Variants in THSD7B observed in about 807,000 individuals in gnomAD.
THSD7B encodes the protein thrombospondin type-1 domain-containing protein 7B.
Under a neutral mutation model 213.6 loss-of-function variants are expected in THSD7B, and 138 were observed. That is an observed-to-expected ratio of 0.65 (90% CI 0.56 to 0.74). THSD7B has a LOEUF of 0.74. Ranked by LOEUF, THSD7B falls within the 30% of genes least tolerant of loss-of-function variation. The probability of loss-of-function intolerance (pLI) is 0.00; values close to 1 mark genes in which losing one functional copy is unlikely to be tolerated. For synonymous variants in THSD7B, 742 were observed against 687.0 expected (o/e 1.08, Z -1.25); for missense variants, 1,931 against 1,991.5 (o/e 0.97, Z 0.58).
chr2:137,544,081 A>G (rs1415223599), intron 15 of THSD7B, among the ~76,000 whole-genome samples: 1 of 151,728 alleles, frequency 6.6e-6, no homozygotes, highest in Non-Finnish European at 1.5e-5. Flanking sequence ...TAAACATAGC[A>G]TTTCCACATG....
chr2:137,336,367 T>C lies in THSD7B; in HGVS notation c.2500+60341T>C, dbSNP rs547077277. On this transcript the variant is annotated intron_variant, in intron 12 of 27. Coordinates refer to ENST00000409968, the MANE Select transcript of THSD7B (RefSeq NM_001316349.2). ...TTTACTCCACCTGAGCTCACGTAAG[T>C]TGAGTTTTTATCCCTTCAACTCCTC... Among the ~76,000 whole-genome samples, 6 of 152,322 alleles carry C rather than the reference T, an allele frequency of 3.9e-5. No individual in the cohort carries two copies. The South Asian group carries it at 1.2e-3, about 32-fold the overall frequency.
At chr2:137,163,923 C>T (rs1680067586) in intron 6 of THSD7B, among the ~76,000 whole-genome samples, 1 of 152,130 alleles carries the variant, frequency 6.6e-6, no homozygotes, top group Non-Finnish European at 1.5e-5. Context: ...AGTGTCCCTC[C>T]AAACCCTAAG....
At chr2:137,154,257 T>C (rs1679868799) in intron 5 of THSD7B, among the ~76,000 whole-genome samples, 1 of 152,126 alleles carries the variant, frequency 6.6e-6, no homozygotes, top group African/African-American at 2.4e-5. Context: ...TAGTATCTTG[T>C]GACGAATTCC....
At chr2:137,006,730 T>A (rs1686121715) in intron 2 of THSD7B, among the ~76,000 whole-genome samples, 1 of 152,224 alleles carries the variant, frequency 6.6e-6, no homozygotes, top group African/African-American at 2.4e-5. Flanking sequence ...TATATCTCAT[T>A]TCCTATTTGT....
intron 14 of THSD7B, among the ~76,000 whole-genome samples, chr2:137,420,703 C>T (rs1380955583): frequency 6.6e-6 from 1 of 152,180 alleles, no homozygotes; most frequent in Non-Finnish European, 1.5e-5. Flanking sequence ...GTAAATTATG[C>T]TTATGAATAA....
intron 12 of THSD7B, among the ~76,000 whole-genome samples, chr2:137,363,486 G>T (rs985479494): frequency 6.6e-5 from 10 of 152,016 alleles, no homozygotes; most frequent in Non-Finnish European, 1.2e-4. Flanking sequence ...TTGATAGACT[G>T]CTAGCAAGAC....
intron 4 of THSD7B, among the ~76,000 whole-genome samples, chr2:137,106,255 A>T (rs2104930035): frequency 6.6e-6 from 1 of 152,204 alleles, no homozygotes; most frequent in East Asian, 1.9e-4. Context: ...ATCTACAATC[A>T]TCTGATCTTT....
intron 10 of THSD7B, among the ~76,000 whole-genome samples, chr2:137,250,214 G>A (rs1682141967): frequency 1.3e-5 from 2 of 151,972 alleles, no homozygotes; most frequent in South Asian, 2.1e-4. Context: ...TAATTTATAT[G>A]CATTACTCTA....
At chr2:136,845,261 G>A (rs1682988718) in intron 1 of THSD7B, among the ~76,000 whole-genome samples, 1 of 152,198 alleles carries the variant, frequency 6.6e-6, no homozygotes, top group South Asian at 2.1e-4. Context: ...GGTAAAGGGA[G>A]GCTTCTGGAA....
chr2:137,286,043 G>A lies in THSD7B; in HGVS notation c.2500+10017G>A, dbSNP rs138218648. Among the ~76,000 whole-genome samples the A allele has an allele frequency of 7.9e-3, 1,195 of 151,190 alleles. 18 individuals are homozygous for A. Among genetic ancestry groups the A allele is most frequent in the African/African-American group, 0.028 (1,144 of 41,124 alleles). On this transcript the variant is annotated intron_variant, in intron 12 of 27. Coordinates refer to ENST00000409968, the MANE Select transcript of THSD7B (RefSeq NM_001316349.2). ...CACTTGAACCCGGGAGGTGGAAGTT[G>A]CAGTGAGCCGAGATCTCGCCATTTC...
intron 15 of THSD7B, among the ~76,000 whole-genome samples, chr2:137,491,732 T>TA (rs1407095621): frequency 4.9e-4 from 75 of 152,294 alleles, no homozygotes; most frequent in Non-Finnish European, 7.5e-4. Context: ...CCAGTTCCTT[T>TA]TAAAAAGATT....
At chr2:137,149,081 C>G (rs1462550141) in intron 5 of THSD7B, among the ~76,000 whole-genome samples, 1 of 152,154 alleles carries the variant, frequency 6.6e-6, no homozygotes, top group African/African-American at 2.4e-5. Context: ...ACATGGTACC[C>G]TGCATCCCAG....
chr2:137,560,940 G>A (rs975687552), intron 15 of THSD7B, among the ~76,000 whole-genome samples: 1 of 152,074 alleles, frequency 6.6e-6, no homozygotes, highest in African/African-American at 2.4e-5. Context: ...TGTTGTGATG[G>A]GGTTAACTTG....
chr2:136,848,091 A>G (rs1401645681), intron 1 of THSD7B, among the ~76,000 whole-genome samples: 1 of 152,168 alleles, frequency 6.6e-6, no homozygotes, highest in Non-Finnish European at 1.5e-5. Context: ...TGTAGCATCA[A>G]AGATGTAAGA....
chr2:137,063,652 A>AG (rs1687321702), intron 3 of THSD7B, among the ~76,000 whole-genome samples: 1 of 148,400 alleles, frequency 6.7e-6, no homozygotes, highest in Non-Finnish European at 1.5e-5. Context: ...TGTGCCCATT[A>AG]ATCTCCATTT....
At chr2:137,504,424 T>A (rs1679787085) in intron 15 of THSD7B, among the ~76,000 whole-genome samples, 1 of 152,184 alleles carries the variant, frequency 6.6e-6, no homozygotes, top group South Asian at 2.1e-4. Flanking sequence ...CTGCTGAAAA[T>A]GTTGGTGTTG....
Position 137,365,645 on chromosome 2 carries a change from C to T in THSD7B, c.2501-39968C>T, listed in dbSNP as rs370691010. On this transcript the variant is annotated intron_variant, in intron 12 of 27. Transcript: ENST00000409968. ...GCCAACAGACACATGGAAAAATGCT[C>T]ATCATCACTGGTCATCAGAGAAATG... 1.3e-4 allele frequency among the ~76,000 whole-genome samples: 20 copies of T among 152,308 alleles called. No individual in the cohort carries two copies. The East Asian group carries it at 1.7e-3, about 13-fold the overall frequency.
At chr2:137,406,834 G>T (rs150189844) in intron 13 of THSD7B, among the ~76,000 whole-genome samples, 89 of 152,254 alleles carry the variant, frequency 5.8e-4, no homozygotes, top group African/African-American at 2.0e-3. Flanking sequence ...ACAAAAATTT[G>T]TGCCACATGA....
chr2:136,872,642 TTCTC>T (rs1300054820), intron 1 of THSD7B, among the ~76,000 whole-genome samples: 1 of 150,878 alleles, frequency 6.6e-6, no homozygotes, highest in African/African-American at 2.4e-5. Flanking sequence ...TTTCTTTCTT[TTCTC>T]TCTCTCCTCT....
Sources: gnomAD v4.1 joint callset for allele counts (sites outside exome capture counted in the v4.1 genomes callset) on GRCh38, gnomAD v4.1.1 for gene constraint, MANE v1.5 for transcripts, NCBI Gene and HGNC (gene_info 2026-07-23, HGNC 2026-07-21) for gene names.